GRIK2: variants seen among roughly 807,000 people sequenced by gnomAD.
The protein encoded by GRIK2 is glutamate receptor ionotropic, kainate 2.
A neutral mutation model predicts 100.3 loss-of-function variants in GRIK2; 32 were observed. The ratio of observed to expected loss-of-function variants is 0.32; its 90% CI spans 0.24 to 0.43. GRIK2 has a LOEUF of 0.43. Ranked by LOEUF, GRIK2 falls within the 20% of genes least tolerant of loss-of-function variation. The probability of loss-of-function intolerance (pLI) is 1.00; values close to 1 mark genes in which losing one functional copy is unlikely to be tolerated. For synonymous variants in GRIK2, 417 were observed against 389.4 expected (o/e 1.07, Z -0.83); for missense variants, 843 against 1,114.9 (o/e 0.76, Z 3.47).
At chr6:101,592,233 G>T (rs1314890935) in intron 2 of GRIK2, among the ~76,000 whole-genome samples, 3 of 151,836 alleles carry the variant, frequency 2.0e-5, no homozygotes, top group South Asian at 2.1e-4. Flanking sequence ...AGCAATGAAA[G>T]AAATGACTAA....
chr6:101,759,905 C>T (rs1281264499), intron 7 of GRIK2, among the ~76,000 whole-genome samples: 4 of 132,330 alleles, frequency 3.0e-5, no homozygotes, highest in Admixed American at 7.5e-5. Context: ...GACGGAGTCT[C>T]GCTCTGTCGC....
intron 2 of GRIK2, among the ~76,000 whole-genome samples, chr6:101,464,959 G>A (rs931280170): frequency 1.3e-5 from 2 of 152,102 alleles, no homozygotes; most frequent in Admixed American, 6.5e-5. Context: ...AGTCAATCTT[G>A]ATAACAGGAC....
In GRIK2 at chr6:101,792,529, A is replaced by G. The variant is rs1779952055; in HGVS notation, c.952-7119A>G. On this transcript the variant is annotated intron_variant, in intron 7 of 16. Transcript: ENST00000369134. ...ATTCTTTTCTTTAAGAATGTTGAAT[A>G]TTGGCCCCCACTCTCTTCTGGCTTG... is the stretch of plus-strand genomic sequence containing the variant. Among the ~76,000 whole-genome samples, 4 of 151,898 alleles carry G rather than the reference A, an allele frequency of 2.6e-5. 1 individual carries two copies. The highest frequency in any genetic ancestry group is 4.2e-4 in the South Asian group (2 of 4,802).
chr6:101,952,741 C>G (rs1256571693), intron 14 of GRIK2, among the ~76,000 whole-genome samples: 1 of 151,822 alleles, frequency 6.6e-6, no homozygotes, highest in Middle Eastern at 3.2e-3. Flanking sequence ...TAGCTGGGAC[C>G]ACAGGTGCCC....
chr6:101,861,588 TAAAG>T (rs1784736762), intron 11 of GRIK2, among the ~76,000 whole-genome samples: 1 of 152,030 alleles, frequency 6.6e-6, no homozygotes, highest in Non-Finnish European at 1.5e-5. Flanking sequence ...ATAGGCAAGA[TAAAG>T]AAAAACAAAA....
chr6:101,745,239 A>G (rs1776352901), intron 7 of GRIK2: 1 of 152,208 alleles, frequency 6.6e-6, no homozygotes, highest in South Asian at 2.1e-4. Flanking sequence ...GTAGCGAAAT[A>G]TAAACCTGAT....
At chr6:102,041,695 T>TAA (rs1554196161) in intron 15 of GRIK2, among the ~76,000 whole-genome samples, 1 of 151,528 alleles carries the variant, frequency 6.6e-6, no homozygotes, top group African/African-American at 2.4e-5. Flanking sequence ...TGGATTGTGA[T>TAA]AAAGATTGAG....
chr6:101,948,022 A>C (rs1791381232), intron 14 of GRIK2, among the ~76,000 whole-genome samples: 1 of 152,150 alleles, frequency 6.6e-6, no homozygotes, highest in Admixed American at 6.6e-5. Flanking sequence ...TATTTGACAA[A>C]TGTTTATTTT....
chr6:101,881,517 C>A (rs1478183241), intron 11 of GRIK2, among the ~76,000 whole-genome samples: 1 of 151,596 alleles, frequency 6.6e-6, no homozygotes, highest in Non-Finnish European at 1.5e-5. Flanking sequence ...TATGCAAGAT[C>A]TCAGATTATT....
chr6:101,819,774 C>A (rs1361409312), intron 10 of GRIK2, among the ~76,000 whole-genome samples: 1 of 152,108 alleles, frequency 6.6e-6, no homozygotes, highest in Non-Finnish European at 1.5e-5. Flanking sequence ...TGTGGCTTTC[C>A]TCCTTTGCAG....
In GRIK2 at chr6:101,799,677, G is replaced by A. The variant is rs1421567962; in HGVS notation, c.981G>A (p.Val327=). 1 of 1,613,094 alleles carries A rather than the reference G, an allele frequency of 6.2e-7. No individual in the cohort carries two copies. The highest frequency in any genetic ancestry group is 1.7e-5 in the Admixed American group (1 of 59,962). ...TTDAALMYDA[V]HVVSVAVQQF... is the part of the protein sequence containing the mutation. ...ATGCTGCTCTAATGTATGATGCTGT[G>A]CATGTGGTGTCTGTGGCCGTTCAAC... is the stretch of plus-strand genomic sequence containing the variant. Residue 327 remains valine, a synonymous_variant, in exon 8 of 17, where the codon GTG becomes GTA. Transcript: ENST00000369134.
chr6:102,035,499 G>T lies in GRIK2; in HGVS notation c.2244G>T (p.Arg748=). The T allele has an allele frequency of 6.2e-7, 1 of 1,610,094 alleles. No homozygotes were observed. Among genetic ancestry groups the T allele is most frequent in the Non-Finnish European group, 8.5e-7 (1 of 1,177,302 alleles). The part of the protein sequence containing the change: ...ESTTIEFVTQ[R]NCNLTQIGGL... ...CAACCATCGAGTTTGTTACCCAGCG[G>T]AACTGTAACCTGACACAGATTGGCG... Residue 748 remains arginine, a synonymous_variant, in exon 15 of 17, where the codon CGG becomes CGT. Coordinates refer to ENST00000369134, the MANE Select transcript of GRIK2 (RefSeq NM_021956.5).
intron 2 of GRIK2, among the ~76,000 whole-genome samples, chr6:101,500,970 A>T (rs1773719343): frequency 6.6e-6 from 1 of 152,006 alleles, no homozygotes; most frequent in South Asian, 2.1e-4. Context: ...CAGTACTTCA[A>T]AAATTCTGAT....
intron 2 of GRIK2, among the ~76,000 whole-genome samples, chr6:101,610,292 C>T (rs1011072124): frequency 9.2e-5 from 14 of 151,480 alleles, no homozygotes; most frequent in Admixed American, 2.0e-4. Flanking sequence ...ATGTAGATTG[C>T]TTTATGAATA....
intron 4 of GRIK2, among the ~76,000 whole-genome samples, chr6:101,658,180 C>A (rs1769337114): frequency 6.6e-6 from 1 of 152,078 alleles, no homozygotes; most frequent in Non-Finnish European, 1.5e-5. Context: ...ACATGAGGTA[C>A]TTCTCCTAAT....
intron 7 of GRIK2, among the ~76,000 whole-genome samples, chr6:101,751,513 T>C (rs374016425): frequency 9.9e-5 from 15 of 152,168 alleles, no homozygotes; most frequent in African/African-American, 3.6e-4. Flanking sequence ...ATAACCAAAA[T>C]ACCAGAATAC....
intron 7 of GRIK2, among the ~76,000 whole-genome samples, chr6:101,699,273 A>G (rs765558608): frequency 3.3e-5 from 5 of 152,002 alleles, no homozygotes; most frequent in Non-Finnish European, 7.4e-5. Context: ...ATTTTTGCCA[A>G]TTGTCTCCTC....
chr6:101,405,950 A>C (rs987530402), intron 2 of GRIK2, among the ~76,000 whole-genome samples: 1 of 152,238 alleles, frequency 6.6e-6, no homozygotes, highest in Non-Finnish European at 1.5e-5. Flanking sequence ...TGTAAACAGC[A>C]AAAGCATACA....
intron 7 of GRIK2, among the ~76,000 whole-genome samples, chr6:101,771,841 T>C (rs1032062385): frequency 3.3e-5 from 5 of 151,976 alleles, no homozygotes; most frequent in African/African-American, 1.2e-4. Context: ...GCTTCATCCA[T>C]GTCCCTACAA....
Sources: allele counts gnomAD v4.1 joint callset (sites outside exome capture counted in the v4.1 genomes callset), GRCh38; gene constraint gnomAD v4.1.1; transcripts MANE v1.5; gene names NCBI Gene and HGNC (gene_info 2026-07-23, HGNC 2026-07-21).